Variants in GULP1 observed in about 807,000 individuals in gnomAD.
GULP1 encodes the protein PTB domain-containing engulfment adapter protein 1.
Under a neutral mutation model 40.9 loss-of-function variants are expected in GULP1, and 19 were observed. The observed-to-expected ratio is 0.46, with a 90% CI of 0.32 to 0.68. GULP1 has a LOEUF of 0.68. GULP1 is among the 30% of genes least tolerant of loss of function. The pLI, the probability that GULP1 is intolerant of heterozygous loss-of-function variation, is 0.03. For missense variants in GULP1, 312 were observed against 362.2 expected (o/e 0.86, Z 1.12); for synonymous variants, 119 against 117.6 (o/e 1.01, Z -0.08).
intron 1 of GULP1, among the ~76,000 whole-genome samples, chr2:188,358,217 T>C (rs182369718): frequency 6.6e-6 from 1 of 152,132 alleles, no homozygotes; most frequent in Admixed American, 6.5e-5. Flanking sequence ...ACAATTCTTG[T>C]CAGTGAAATA....
chr2:188,587,545 T>C (rs1702640764), intron 10 of GULP1, among the ~76,000 whole-genome samples: 1 of 152,126 alleles, frequency 6.6e-6, no homozygotes, highest in Admixed American at 6.5e-5. Flanking sequence ...CAATAAAATA[T>C]AGGTGTTGTA....
intron 6 of GULP1, among the ~76,000 whole-genome samples, chr2:188,540,291 C>T (rs192256721): frequency 2.0e-4 from 31 of 152,050 alleles, no homozygotes; most frequent in Non-Finnish European, 1.3e-4. Context: ...ATAATTAACA[C>T]GGATGATCTA....
At chr2:188,450,622 A>C (rs2058762122) in intron 2 of GULP1, among the ~76,000 whole-genome samples, 1 of 152,128 alleles carries the variant, frequency 6.6e-6, no homozygotes, top group Non-Finnish European at 1.5e-5. Context: ...GTGGGCCACG[A>C]TGAATTATTA....
chr2:188,488,587 A>G (rs185235890), intron 4 of GULP1, among the ~76,000 whole-genome samples: 4 of 152,124 alleles, frequency 2.6e-5, no homozygotes, highest in African/African-American at 9.6e-5. Flanking sequence ...AACTACTTAG[A>G]ATGTGTATCA....
intron 1 of GULP1, among the ~76,000 whole-genome samples, chr2:188,377,731 T>C (rs1574857478): frequency 6.6e-6 from 1 of 152,122 alleles, no homozygotes; most frequent in South Asian, 2.1e-4. Flanking sequence ...TAAGAAAAAA[T>C]TGTGCAGAAA....
At chr2:188,508,935 A>T (rs1208181524) in intron 4 of GULP1, among the ~76,000 whole-genome samples, 1 of 151,870 alleles carries the variant, frequency 6.6e-6, no homozygotes, top group African/African-American at 2.4e-5. Flanking sequence ...ATCTATCTAC[A>T]TTTTATAAAC....
At chr2:188,428,016 T>C (rs1432946609) in intron 2 of GULP1, among the ~76,000 whole-genome samples, 1 of 152,200 alleles carries the variant, frequency 6.6e-6, no homozygotes, top group African/African-American at 2.4e-5. Context: ...AGCCTACCCA[T>C]TGCATCAGTA....
At chr2:188,436,409 G>A (rs981483171) in intron 2 of GULP1, among the ~76,000 whole-genome samples, 3 of 151,956 alleles carry the variant, frequency 2.0e-5, no homozygotes, top group Non-Finnish European at 4.4e-5. Context: ...ATGATATTCC[G>A]ATATCAAAGT....
chr2:188,302,990 A>G (rs184244874), intron 1 of GULP1, among the ~76,000 whole-genome samples: 48 of 152,244 alleles, frequency 3.2e-4, no homozygotes, highest in African/African-American at 1.1e-3. Flanking sequence ...CAAAAACCCC[A>G]TTGCAATGGT....
chr2:188,505,771 AT>A (rs1316867684), intron 4 of GULP1, among the ~76,000 whole-genome samples: 1 of 151,844 alleles, frequency 6.6e-6, no homozygotes, highest in Non-Finnish European at 1.5e-5. Context: ...AGATAAGTAA[AT>A]TAAAGGCATT....
intron 4 of GULP1, among the ~76,000 whole-genome samples, chr2:188,488,815 G>A (rs571016640): frequency 3.9e-5 from 6 of 151,908 alleles, no homozygotes; most frequent in Non-Finnish European, 8.8e-5. Context: ...ATACTTTGAG[G>A]TAACAGCATT....
At chr2:188,573,817 G>A (rs1699623828) in intron 9 of GULP1, among the ~76,000 whole-genome samples, 1 of 152,140 alleles carries the variant, frequency 6.6e-6, no homozygotes, top group Non-Finnish European at 1.5e-5. Context: ...AGGTGGGTAT[G>A]GTGTATGCAA....
intron 1 of GULP1, among the ~76,000 whole-genome samples, chr2:188,347,538 G>T (rs1035223826): frequency 1.3e-5 from 2 of 151,670 alleles, no homozygotes; most frequent in Admixed American, 6.6e-5. Context: ...TATATATTAA[G>T]TCAGCTTAAT....
chr2:188,335,105 A>G (rs931864044), intron 1 of GULP1, among the ~76,000 whole-genome samples: 8 of 152,264 alleles, frequency 5.3e-5, no homozygotes, highest in African/African-American at 1.9e-4. Flanking sequence ...TGTTTAATAC[A>G]CATGTGTATA....
intron 1 of GULP1, among the ~76,000 whole-genome samples, chr2:188,354,648 G>A (rs539191091): frequency 6.6e-6 from 1 of 152,206 alleles, no homozygotes; most frequent in South Asian, 2.1e-4. Flanking sequence ...ACACAAAGAA[G>A]GATCTCCATG....
rs1575975631 is a variant in GULP1, at chr2:188,547,597, C to T, written c.399+6279C>T. Among the ~76,000 whole-genome samples the T allele has an allele frequency of 2.6e-5, 4 of 152,142 alleles. No individual in the cohort carries two copies. In the South Asian group the frequency reaches 8.3e-4, roughly 32 times the overall value. ...TGCCTGCTTTATATTCTGGCTGCAC[C>T]AGCAGCTGATTAAATGGTGCCCATC... On this transcript the variant is annotated intron_variant, in intron 7 of 11. Coordinates refer to ENST00000409830, the MANE Select transcript of GULP1 (RefSeq NM_016315.4).
intron 4 of GULP1, among the ~76,000 whole-genome samples, chr2:188,500,099 A>C (rs1308248954): frequency 6.6e-6 from 1 of 151,872 alleles, no homozygotes; most frequent in African/African-American, 2.4e-5. Flanking sequence ...CAACATTCTC[A>C]TTGAATATGC....
intron 4 of GULP1, among the ~76,000 whole-genome samples, chr2:188,499,422 A>T (rs1304705521): frequency 6.6e-6 from 1 of 151,518 alleles, no homozygotes; most frequent in Non-Finnish European, 1.5e-5. Context: ...AAGTCATCAC[A>T]AACATGAAAA....
intron 2 of GULP1, among the ~76,000 whole-genome samples, chr2:188,386,900 A>C (rs977900298): frequency 6.6e-6 from 1 of 152,160 alleles, no homozygotes; most frequent in African/African-American, 2.4e-5. Context: ...TCTCACATCT[A>C]TTCAGCAATA....
Sources: gnomAD v4.1 joint callset for allele counts (sites outside exome capture counted in the v4.1 genomes callset) on GRCh38, gnomAD v4.1.1 for gene constraint, MANE v1.5 for transcripts, NCBI Gene and HGNC (gene_info 2026-07-23, HGNC 2026-07-21) for gene names.